HHIPL1: variants seen among roughly 807,000 people sequenced by gnomAD.
The protein encoded by HHIPL1 is HHIP-like protein 1.
HHIPL1 carries 43 observed loss-of-function variants against 61.8 expected under a neutral mutation model. That is an observed-to-expected ratio of 0.70 (90% confidence interval 0.55 to 0.90). The LOEUF is 0.90. HHIPL1 is among the 40% of genes least tolerant of loss of function. The probability of loss-of-function intolerance (pLI) is 0.00; values close to 1 mark genes in which losing one functional copy is unlikely to be tolerated. For missense variants in HHIPL1, 1,056 were observed against 1,157.7 expected (o/e 0.91, Z 1.28); for synonymous variants, 482 against 515.8 (o/e 0.93, Z 0.89).
chr14:99,637,201 GAAGAAAGAAAGAAAGAAAGAAAGA>G, the HHIPL1 span, among the ~76,000 whole-genome samples: 3,488 of 87,270 alleles, frequency 0.04, 81 homozygotes, highest in African/African-American at 0.07. Context: ...AGAAAGAAAG[GAAGAAAGAAAGAAAGAAAGAAAGA>G]AAGAAAGAAA....
chr14:99,624,104 T>C, the HHIPL1 span, among the ~76,000 whole-genome samples: 7 of 152,136 alleles, frequency 4.6e-5, no homozygotes, highest in African/African-American at 1.7e-4. Flanking sequence ...GGTGAGAGAA[T>C]GGAAACTCAG....
Position 99,660,496 on chromosome 14 carries a change from C to G in HHIPL1, c.1502+90C>G, listed in dbSNP as rs1595160843. 5 of 1,450,310 alleles carry G rather than the reference C, an allele frequency of 3.4e-6. No homozygotes were observed. Among genetic ancestry groups the G allele is most frequent in the Middle Eastern group, 3.6e-4 (2 of 5,506 alleles). The allele number at this position is 1,450,310 out of a possible 1,614,324, so 89.8% of individuals were successfully genotyped here. A position where few individuals can be genotyped will look rare whatever the true frequency, so the allele number is the denominator to read the frequency against. On this transcript the variant is annotated intron_variant, in intron 5 of 8. Coordinates refer to ENST00000330710, the MANE Select transcript of HHIPL1 (RefSeq NM_001127258.3). The surrounding 1 kb of genome is among the most constrained non-coding windows in gnomAD (Gnocchi z 4.9). ...GTAAAGGGGAGTGTATGTGTGCGCC[C>G]GTTCCTGCACATGTGCCTCGCTGCT...
At chr14:99,635,951 C>T in the HHIPL1 span, among the ~76,000 whole-genome samples, 1 of 152,254 alleles carries the variant, frequency 6.6e-6, no homozygotes, top group East Asian at 1.9e-4. Flanking sequence ...CAGAGGGTCT[C>T]GGCCAGAGCA....
intron 1 of HHIPL1, among the ~76,000 whole-genome samples, chr14:99,648,504 C>T (rs1049225608): frequency 3.9e-5 from 6 of 152,182 alleles, no homozygotes; most frequent in African/African-American, 1.4e-4. Flanking sequence ...CACTGTGTCC[C>T]ACAGTCCGTG....
chr14:99,627,698 C>G, the HHIPL1 span, among the ~76,000 whole-genome samples: 1 of 152,110 alleles, frequency 6.6e-6, no homozygotes, highest in African/African-American at 2.4e-5. This position sits in a 1 kb window ranked among gnomAD's most constrained non-coding sequence, Gnocchi z 4.4. Flanking sequence ...TGGGCTTGGC[C>G]GGAGAACACA....
the HHIPL1 span, among the ~76,000 whole-genome samples, chr14:99,606,822 T>C: frequency 6.6e-6 from 1 of 152,046 alleles, no homozygotes; most frequent in East Asian, 1.9e-4. Context: ...GGGCTGGGAA[T>C]GCTTGGGCAG....
chr14:99,656,384 G>A (rs1203832512), intron 2 of HHIPL1, among the ~76,000 whole-genome samples: 5 of 152,144 alleles, frequency 3.3e-5, no homozygotes, highest in African/African-American at 9.7e-5. Flanking sequence ...CAACCTCTCT[G>A]AGCCTTTAGG....
intron 1 of HHIPL1, 56 bp from the exon 2 acceptor site, chr14:99,652,168 C>A: frequency 6.6e-7 from 1 of 1,514,688 alleles, no homozygotes; most frequent in Non-Finnish European, 8.9e-7. Flanking sequence ...CCCAAGGTAA[C>A]CTTGGGCTGG....
chr14:99,606,827 G>A, the HHIPL1 span, among the ~76,000 whole-genome samples: 2 of 152,088 alleles, frequency 1.3e-5, no homozygotes, highest in African/African-American at 4.8e-5. Context: ...GGGAATGCTT[G>A]GGCAGAACAG....
At chr14:99,669,290 C>T (rs1309778003) in intron 7 of HHIPL1, 3 of 1,035,074 alleles carry the variant, frequency 2.9e-6, no homozygotes, top group Non-Finnish European at 2.3e-6. Context: ...TGCTTCTCAG[C>T]CCTTAGATTT....
At chr14:99,605,622 A>G in the HHIPL1 span, among the ~76,000 whole-genome samples, 1 of 152,236 alleles carries the variant, frequency 6.6e-6, no homozygotes, top group Admixed American at 6.5e-5. Flanking sequence ...TCCTGGGAGC[A>G]GGATGGGGAG....
At position 99,657,096 on chromosome 14, in the gene HHIPL1, C is replaced by T. The variant is rs752580460; in HGVS notation, c.999C>T (p.Gly333=). 8.1e-6 allele frequency: 13 copies of T among 1,612,976 alleles called. No individual in the cohort carries two copies. The highest frequency in any genetic ancestry group is 4.0e-5 in the African/African-American group (3 of 74,840). Residue 333 remains glycine (G), a synonymous_variant, in exon 3 of 9, where the codon GGC becomes GGT. Coordinates refer to ENST00000330710, the MANE Select transcript of HHIPL1 (RefSeq NM_001127258.3). ...DGYLYIFTGD[G]GMAGDPFGTF... is the part of the protein sequence containing the mutation. ...ACCTCTACATCTTCACTGGAGATGG[C>T]GGGATGGCCGGAGACCCCTTTGGGA...
upstream of HHIPL1, among the ~76,000 whole-genome samples, chr14:99,643,924 A>G (rs1408818252): frequency 6.6e-6 from 1 of 152,182 alleles, no homozygotes; most frequent in East Asian, 1.9e-4. Context: ...TTCCTGCATC[A>G]AGGACCTGGG....
chr14:99,652,131 C>A, intron 1 of HHIPL1, 93 bp from the exon 2 acceptor site: 1 of 1,185,940 alleles, frequency 8.4e-7, no homozygotes, highest in Non-Finnish European at 1.2e-6. Flanking sequence ...GATCAGCAGA[C>A]TGAGGCTCTG....
chr14:99,645,866 C>G (rs1314564408), intron 1 of HHIPL1, among the ~76,000 whole-genome samples: 1 of 152,174 alleles, frequency 6.6e-6, no homozygotes, highest in Non-Finnish European at 1.5e-5. Context: ...GTCAGTGCTC[C>G]TTTGTGTTGT....
chr14:99,647,737 A>ATG (rs879925032), intron 1 of HHIPL1, among the ~76,000 whole-genome samples: 3 of 152,086 alleles, frequency 2.0e-5, no homozygotes, highest in Admixed American at 1.3e-4. Flanking sequence ...CCTGATTTCC[A>ATG]CACGGGGAGG....
intron 7 of HHIPL1, chr14:99,669,393 G>A: frequency 1.2e-5 from 11 of 943,816 alleles, no homozygotes; most frequent in African/African-American, 1.8e-5. Flanking sequence ...AAGGCCTGAG[G>A]TTGCACTCCG....
the HHIPL1 span, among the ~76,000 whole-genome samples, chr14:99,626,968 A>T: frequency 2.0e-5 from 3 of 152,190 alleles, no homozygotes; most frequent in Non-Finnish European, 4.4e-5. Context: ...GGCTCAGGAC[A>T]GGGGGAGCAC....
chr14:99,657,792 CACAT>C (rs1308514289), intron 3 of HHIPL1, among the ~76,000 whole-genome samples: 1 of 151,968 alleles, frequency 6.6e-6, no homozygotes, highest in Non-Finnish European at 1.5e-5. Context: ...ACACAGCACA[CACAT>C]ATACACACAT....
Sources: gnomAD v4.1 joint callset for allele counts (sites outside exome capture counted in the v4.1 genomes callset) on GRCh38, gnomAD v4.1.1 for gene constraint, Gnocchi (gnomAD v3.1) non-coding constraint, MANE v1.5 for transcripts, NCBI Gene and HGNC (gene_info 2026-07-23, HGNC 2026-07-21) for gene names.